DOT1L: variants seen among roughly 807,000 people sequenced by gnomAD.
DOT1L encodes histone-lysine N-methyltransferase, H3 lysine-79 specific.
In DOT1L, 33 loss-of-function variants were observed where a neutral mutation model predicts 153.3. The ratio of observed to expected loss-of-function variants is 0.22; its 90% CI spans 0.16 to 0.29. The LOEUF (loss-of-function observed/expected upper bound fraction) is 0.29. Among genes scored for constraint, DOT1L ranks in the 10% least tolerant of loss-of-function variants. DOT1L has a pLI of 1.00. For missense variants in DOT1L, 1,847 were observed against 2,119.9 expected, an observed-to-expected ratio of 0.87 and a Z score of 2.53; for synonymous variants, 1,135 against 965.1, an observed-to-expected ratio of 1.18 and a Z score of -3.26.
rs1000211839 is a variant in DOT1L at position 2,194,321 on chromosome 19, C to A, written c.589-194C>A. On this transcript the variant is annotated intron_variant, in intron 6 of 27. Coordinates refer to ENST00000398665, the MANE Select transcript of DOT1L (RefSeq NM_032482.3). The stretch of plus-strand genomic sequence containing the variant: ...GAGTAGCTGGGACTACAGGCGCCCC[C>A]CAACACACCCAGCTAATTTTTTTGT... Among the ~76,000 whole-genome samples, 8 of 152,266 alleles carry A rather than the reference C, an allele frequency of 5.3e-5. No individual in the cohort carries two copies. The South Asian group carries it at 1.0e-3, about 20-fold the overall frequency.
At chr19:2,178,966 C>T (rs138808541) in intron 1 of DOT1L, among the ~76,000 whole-genome samples, 11 of 152,308 alleles carry the variant, frequency 7.2e-5, no homozygotes, top group African/African-American at 2.4e-4. Flanking sequence ...AGGAGGTGGA[C>T]GGAGCTGTGG....
intron 27 of DOT1L, chr19:2,227,960 G>T (rs1289646701): frequency 2.4e-6 from 3 of 1,243,036 alleles, no homozygotes; most frequent in Non-Finnish European, 3.1e-6. Flanking sequence ...ACCTGGGCCG[G>T]TCCCCCGCGG....
At chr19:2,227,366 GC>G in intron 27 of DOT1L, 1 of 721,176 alleles carries the variant, frequency 1.4e-6, no homozygotes, top group Non-Finnish European at 2.5e-6. Flanking sequence ...TTTTCAGAAG[GC>G]CACCGTGCGC....
chr19:2,189,882 C>T (rs1350022265), intron 4 of DOT1L, 87 bp downstream of exon 4: 1 of 1,430,524 alleles, frequency 7.0e-7, no homozygotes, highest in Non-Finnish European at 9.7e-7. Context: ...CCTCGGGGCA[C>T]AGAGCTCCCC....
At chr19:2,198,747 C>T (rs558123071) in intron 7 of DOT1L, among the ~76,000 whole-genome samples, 3 of 152,218 alleles carry the variant, frequency 2.0e-5, no homozygotes, top group East Asian at 1.9e-4. Context: ...CAGCATGAAT[C>T]CCCTTCCTGT....
In DOT1L at chr19:2,223,437, C is replaced by T; in HGVS notation, c.3547C>T (p.Leu1183Phe). 1 of 1,613,442 alleles carries T rather than the reference C, an allele frequency of 6.2e-7. No homozygotes were observed. Among genetic ancestry groups the T allele is most frequent in the Non-Finnish European group, 8.5e-7 (1 of 1,179,982 alleles). ...GACCAATGGGGCACACTACTCCCCA[C>T]TCACCTCAGACGAGGAGCCAGGCTC... ...SQTNGAHYSP[L>F]TSDEEPGSED... Residue 1183 changes from leucine to phenylalanine, a missense_variant, in exon 25 of 28, where the codon CTC (leucine) becomes TTC (phenylalanine). Coordinates refer to ENST00000398665, the MANE Select transcript of DOT1L (RefSeq NM_032482.3).
In DOT1L at chr19:2,217,996, T is replaced by C; in HGVS notation, c.2691+78T>C. 6.5e-7 allele frequency: 1 copy of C among 1,541,546 alleles called. No individual in the cohort carries two copies. The highest frequency in any genetic ancestry group is 8.7e-7 in the Non-Finnish European group (1 of 1,144,126). ...CTGGGGTGCTCGAGACCTGGCTCAC[T>C]TTGCGAAGTCTCACGCTGTAAAATG... is the stretch of plus-strand genomic sequence containing the variant. On this transcript the variant is annotated intron_variant, in intron 22 of 27. Transcript: ENST00000398665. The surrounding 1 kb of genome is among the most constrained non-coding windows in gnomAD (Gnocchi z 7.3).
At chr19:2,185,137 C>T (rs2022432321) in intron 2 of DOT1L, among the ~76,000 whole-genome samples, 1 of 152,180 alleles carries the variant, frequency 6.6e-6, no homozygotes, top group South Asian at 2.1e-4. Context: ...AACTCCTGAC[C>T]TCGTGATCTG....
rs969389745 is a variant in DOT1L, at chr19:2,220,539, C to T, written c.2806+317C>T. 1.4e-5 allele frequency: 7 copies of T among 508,604 alleles called. No individual in the cohort carries two copies. The highest frequency in any genetic ancestry group is 5.8e-5 in the African/African-American group (3 of 52,026). The allele number at this position is 508,604 out of a possible 1,614,324, so 31.5% of individuals were successfully genotyped here. On this transcript the variant is annotated intron_variant, in intron 23 of 27. Coordinates refer to ENST00000398665, the MANE Select transcript of DOT1L (RefSeq NM_032482.3). The surrounding 1 kb of genome is among the most constrained non-coding windows in gnomAD (Gnocchi z 4.5). ...CTCCTGTACTCACAGCTGGGAGGCC[C>T]CTGACTCAGGATCGGCTCCACACAC...
intron 25 of DOT1L, 67 bp downstream of exon 25, chr19:2,223,553 T>TGTGTGTGG (rs1367776241): frequency 1.1e-5 from 1 of 89,308 alleles, no homozygotes; most frequent in Non-Finnish European, 2.1e-5. Context: ...GCTCACTGTG[T>TGTGTGTGG]GTGTGTGGGT....
At chr19:2,179,295 G>T (rs1423497074) in intron 1 of DOT1L, among the ~76,000 whole-genome samples, 1 of 152,166 alleles carries the variant, frequency 6.6e-6, no homozygotes, top group Non-Finnish European at 1.5e-5. Flanking sequence ...GTCAGGTGGT[G>T]TCCACAGGTG....
At position 2,220,771 on chromosome 19, in the gene DOT1L, T is replaced by G. The variant is rs1599611743; in HGVS notation, c.2806+549T>G. On this transcript the variant is annotated intron_variant, in intron 23 of 27. Coordinates refer to ENST00000398665, the MANE Select transcript of DOT1L (RefSeq NM_032482.3). The surrounding 1 kb of genome is among the most constrained non-coding windows in gnomAD (Gnocchi z 4.5). ...GACAGCATGTCAGCGGGCATGGCTGTGTGCCAGCAAAACTGTACTTAAAAC... is the reference window on the plus strand; with the variant it reads ...GACAGCATGTCAGCGGGCATGGCTGGGTGCCAGCAAAACTGTACTTAAAAC... 1 of 346,078 alleles carries G rather than the reference T, an allele frequency of 2.9e-6. No homozygotes were observed. Among genetic ancestry groups the G allele is most frequent in the South Asian group, 2.2e-5 (1 of 45,980 alleles). 21.4% of individuals were successfully genotyped at this position (346,078 alleles called of 1,614,324 possible). A position where few individuals can be genotyped will look rare whatever the true frequency, so the allele number is the denominator to read the frequency against.
chr19:2,186,054 GAGTT>G, intron 3 of DOT1L, 125 bp downstream of exon 3: 1 of 948,184 alleles, frequency 1.1e-6, no homozygotes, highest in Non-Finnish European at 1.6e-6. Flanking sequence ...TTTCCTTTTA[GAGTT>G]GGCCGTGGCC....
At position 2,204,561 on chromosome 19, in the gene DOT1L, C is replaced by T. The variant is rs1302483480; in HGVS notation, c.787+1782C>T. ...GGTCCTCGTACCCGCTGCCCTAGAA[C>T]GCCTCTTCTGGCTGTTTCTCGCCAG... On this transcript the variant is annotated intron_variant, in intron 9 of 27. Coordinates refer to ENST00000398665, the MANE Select transcript of DOT1L (RefSeq NM_032482.3). The surrounding 1 kb of genome is among the most constrained non-coding windows in gnomAD (Gnocchi z 5.7). Among the ~76,000 whole-genome samples, 6 of 152,204 alleles carry T rather than the reference C, an allele frequency of 3.9e-5. No homozygotes were observed. The highest frequency in any genetic ancestry group is 2.1e-4 in the South Asian group (1 of 4,834).
At position 2,226,751 on chromosome 19, in the gene DOT1L, C is replaced by T. The variant is rs553879725; in HGVS notation, c.4230C>T (p.Ala1410=). The change falls in exon 27 of 28, where the codon GCC becomes GCT. Residue 1410 remains alanine (A), a synonymous_variant. Coordinates refer to ENST00000398665, the MANE Select transcript of DOT1L (RefSeq NM_032482.3). The part of the protein sequence containing the change: ...TDKTPLLSGK[A]AKARDREVDL... ...AGACCCCACTGCTGAGCGGCAAGGC[C>T]GCCAAGGCCCGGGACCGCGAGGTCG... The T allele has an allele frequency of 7.7e-6, 12 of 1,557,668 alleles. No homozygotes were observed. The highest frequency in any genetic ancestry group is 1.4e-5 in the African/African-American group (1 of 72,776).
chr19:2,192,214 C>G (rs1313967789), intron 5 of DOT1L, among the ~76,000 whole-genome samples: 1 of 152,208 alleles, frequency 6.6e-6, no homozygotes, highest in East Asian at 1.9e-4. Context: ...TTTGCACAGA[C>G]TGGGTGTGGC....
rs2022714689 is a variant in DOT1L at position 2,189,898 on chromosome 19, G to C, written c.264+103G>C. ...CTCGGGGCACAGAGCTCCCCTTAGA[G>C]CCCCTGGGGATTGGAATGTGCAGCG... On this transcript the variant is annotated intron_variant, in intron 4 of 27. Coordinates refer to ENST00000398665, the MANE Select transcript of DOT1L (RefSeq NM_032482.3). 4 of 1,304,034 alleles carry C rather than the reference G, an allele frequency of 3.1e-6. No individual in the cohort carries two copies. The Admixed American group carries it at 5.4e-5, about 18-fold the overall frequency. The allele number at this position is 1,304,034 out of a possible 1,614,324, so 80.8% of individuals were successfully genotyped here. A position where few individuals can be genotyped will look rare whatever the true frequency, so the allele number is the denominator to read the frequency against.
At chr19:2,205,366 C>G (rs1225206491) in intron 9 of DOT1L, among the ~76,000 whole-genome samples, 1 of 152,190 alleles carries the variant, frequency 6.6e-6, no homozygotes, top group Non-Finnish European at 1.5e-5. Context: ...ACACCAAGTT[C>G]TTCCTGCAGC....
chr19:2,167,193 G>A (rs556731691), intron 1 of DOT1L, among the ~76,000 whole-genome samples: 8 of 152,094 alleles, frequency 5.3e-5, no homozygotes, highest in Non-Finnish European at 1.0e-4. Context: ...GTCAGTGTTC[G>A]CGTGGCGAGG....
Sources: gnomAD v4.1 joint callset for allele counts (sites outside exome capture counted in the v4.1 genomes callset) on GRCh38, gnomAD v4.1.1 for gene constraint, Gnocchi (gnomAD v3.1) non-coding constraint, MANE v1.5 for transcripts, NCBI Gene and HGNC (gene_info 2026-07-23, HGNC 2026-07-21) for gene names.